CENPE: variants seen among roughly 807,000 people sequenced by gnomAD.
CENPE encodes centromere protein E, also known as centromere-associated protein E.
Under a neutral mutation model 336.1 loss-of-function variants are expected in CENPE, and 145 were observed. The ratio of observed to expected loss-of-function variants is 0.43; its 90% CI spans 0.38 to 0.50. The LOEUF is 0.50. Ranked by LOEUF, CENPE falls within the 20% of genes least tolerant of loss-of-function variation. The pLI, the probability that CENPE is intolerant of heterozygous loss-of-function variation, is 0.00. For missense variants in CENPE, 2,719 were observed against 3,023.3 expected (o/e 0.90, Z 2.36); for synonymous variants, 1,013 against 984.8 (o/e 1.03, Z -0.54).
intron 48 of CENPE, among the ~76,000 whole-genome samples, chr4:103,107,771 C>CACT (rs1749023458): frequency 6.6e-6 from 1 of 152,176 alleles, no homozygotes; most frequent in African/African-American, 2.4e-5. Flanking sequence ...TCCAAGTCCA[C>CACT]ACTACCATCA....
chr4:103,112,749 TAA>T (rs1214199042), intron 46 of CENPE, among the ~76,000 whole-genome samples: 4 of 106,640 alleles, frequency 3.8e-5, no homozygotes, highest in Non-Finnish European at 5.5e-5. Context: ...TATAAGTATA[TAA>T]GTGTATATAT....
intron 40 of CENPE, 21 bp downstream of exon 40, chr4:103,136,120 T>C (rs769568019): frequency 1.3e-6 from 2 of 1,572,254 alleles, no homozygotes; most frequent in Non-Finnish European, 1.7e-6. Context: ...TTTAAAAGGA[T>C]ATTACTAAAA....
chr4:103,139,483 T>G (rs1752355812), intron 38 of CENPE, among the ~76,000 whole-genome samples: 2 of 152,106 alleles, frequency 1.3e-5, no homozygotes, highest in Admixed American at 1.3e-4. Context: ...AATCTAATCC[T>G]TCAAATATTT....
At chr4:103,168,089 C>T (rs1755074759) in intron 16 of CENPE, among the ~76,000 whole-genome samples, 1 of 152,040 alleles carries the variant, frequency 6.6e-6, no homozygotes, top group African/African-American at 2.4e-5. Context: ...CTGGCTCCAG[C>T]CCTCCCCTGC....
At position 103,194,356 on chromosome 4, in the gene CENPE, A is replaced by G; in HGVS notation, c.627+18T>C. The stretch of plus-strand genomic sequence containing the variant: ...ATTCTTACTTGGAAAGATCTAACAG[A>G]TAGATAGAATTACCTACCATCCTAA... On this transcript the variant is annotated intron_variant, in intron 7 of 48. Transcript: ENST00000265148. 2.5e-6 allele frequency: 4 copies of G among 1,606,982 alleles called. No homozygotes were observed. Among genetic ancestry groups the G allele is most frequent in the Non-Finnish European group, 3.4e-6 (4 of 1,174,796 alleles).
At chr4:103,143,031 G>T (rs1237742855) in intron 34 of CENPE, among the ~76,000 whole-genome samples, 6 of 138,814 alleles carry the variant, frequency 4.3e-5, no homozygotes, top group African/African-American at 5.2e-5. Context: ...AAAAAAAGAA[G>T]TTGATGTTCT....
intron 21 of CENPE, 98 bp downstream of exon 21, chr4:103,160,527 T>A (rs1163390960): frequency 1.3e-5 from 13 of 968,862 alleles, no homozygotes; most frequent in Non-Finnish European, 1.8e-5. Context: ...CTCTCTTGTC[T>A]GCTAGTTTAA....
chr4:103,145,732 T>C, intron 30 of CENPE, 51 bp from the exon 31 acceptor site: 1 of 1,504,702 alleles, frequency 6.6e-7, no homozygotes, highest in South Asian at 1.3e-5. Flanking sequence ...TTATAACTAT[T>C]TTGTTGTAAT....
At chr4:103,150,112 T>A (rs898865352) in intron 26 of CENPE, among the ~76,000 whole-genome samples, 1 of 152,172 alleles carries the variant, frequency 6.6e-6, no homozygotes, top group Admixed American at 6.5e-5. Flanking sequence ...TTTTGGAGAA[T>A]TTATTTTCAC....
chr4:103,171,392 TA>T (rs1176552023), intron 16 of CENPE, among the ~76,000 whole-genome samples: 1 of 151,980 alleles, frequency 6.6e-6, no homozygotes, highest in Non-Finnish European at 1.5e-5. Flanking sequence ...TACAAATACA[TA>T]AAAATTAAAC....
chr4:103,161,528 G>T (rs913987935), intron 18 of CENPE, 71 bp from the exon 19 acceptor site: 1 of 1,338,692 alleles, frequency 7.5e-7, no homozygotes, highest in Non-Finnish European at 1.0e-6. Context: ...AAGAGAACAT[G>T]TATATAAATG....
chr4:103,123,925 G>A (rs1750868486), intron 42 of CENPE, among the ~76,000 whole-genome samples: 1 of 152,122 alleles, frequency 6.6e-6, no homozygotes, highest in African/African-American at 2.4e-5. Context: ...CATCTTATCA[G>A]GTAGGCACTG....
At chr4:103,113,471 T>C (rs867458901) in intron 46 of CENPE, among the ~76,000 whole-genome samples, 120 of 141,420 alleles carry the variant, frequency 8.5e-4, no homozygotes, top group Middle Eastern at 9.7e-3. Context: ...ATATAATATA[T>C]AACTTATATA....
At position 103,114,555 on chromosome 4, in the gene CENPE, A is replaced by G; in HGVS notation, c.7443-3T>C. 1 of 1,557,358 alleles carries G rather than the reference A, an allele frequency of 6.4e-7. No homozygotes were observed. Among genetic ancestry groups the G allele is most frequent in the East Asian group, 2.2e-5 (1 of 44,566 alleles). ...CAGTGGCTTTTGTAGCACTGATTCT[A>G]ACAAAAACAATAAAAATATGTAAAA... On this transcript the variant is annotated splice_polypyrimidine_tract_variant and splice_region_variant and intron_variant, in intron 45 of 48. Transcript: ENST00000265148.
At chr4:103,125,830 A>G (rs1751039180) in intron 42 of CENPE, among the ~76,000 whole-genome samples, 1 of 147,376 alleles carries the variant, frequency 6.8e-6, no homozygotes, top group African/African-American at 2.5e-5. Context: ...GAGCCACTGC[A>G]CACTCCAGCC....
At chr4:103,138,503 A>G in intron 38 of CENPE, 54 bp from the exon 39 acceptor site, 1 of 1,091,410 alleles carries the variant, frequency 9.2e-7, no homozygotes, top group South Asian at 1.3e-5. Context: ...ATATTCACAT[A>G]TAATGTCTAA....
chr4:103,191,512 G>A (rs1379091956), intron 8 of CENPE, among the ~76,000 whole-genome samples: 2 of 152,086 alleles, frequency 1.3e-5, no homozygotes, highest in East Asian at 1.9e-4. Context: ...CATGGATGAA[G>A]CTGGAAACCA....
At chr4:103,116,021 T>C (rs1282783655) in intron 45 of CENPE, among the ~76,000 whole-genome samples, 1 of 152,144 alleles carries the variant, frequency 6.6e-6, no homozygotes, top group Admixed American at 6.5e-5. Context: ...GTATTTCTAC[T>C]TCAGTTTCCT....
chr4:103,143,521 C>T, intron 33 of CENPE, 115 bp from the exon 34 acceptor site: 2 of 695,402 alleles, frequency 2.9e-6, no homozygotes, highest in Non-Finnish European at 5.0e-6. Flanking sequence ...CCTCCTAGTT[C>T]TCACCCTCTA....
Sources: allele counts gnomAD v4.1 joint callset (sites outside exome capture counted in the v4.1 genomes callset), GRCh38; gene constraint gnomAD v4.1.1; transcripts MANE v1.5; gene names NCBI Gene and HGNC (gene_info 2026-07-23, HGNC 2026-07-21).